Variants in PACC1 observed in about 807,000 individuals in gnomAD.
PACC1 encodes proton activated chloride channel 1.
PACC1 carries 34 observed loss-of-function variants against 39.7 expected under a neutral mutation model. The observed-to-expected ratio is 0.86, with a 90% CI of 0.65 to 1.14. The LOEUF is 1.14. Ranked by LOEUF, PACC1 falls within the 50% of genes most tolerant of loss-of-function variation. The pLI, the probability that PACC1 is intolerant of heterozygous loss-of-function variation, is 0.00. For missense variants in PACC1, 379 were observed against 436.4 expected, an observed-to-expected ratio of 0.87 and a Z score of 1.17; for synonymous variants, 127 against 160.6, an observed-to-expected ratio of 0.79 and a Z score of 1.58.
chr1:212,374,153 T>A (rs932905362), intron 7 of PACC1, among the ~76,000 whole-genome samples: 2 of 151,840 alleles, frequency 1.3e-5, no homozygotes, highest in Admixed American at 6.6e-5. Flanking sequence ...AACTCAAGTA[T>A]CCATCAACAC....
chr1:212,395,772 TG>T (rs1661491504), intron 2 of PACC1, among the ~76,000 whole-genome samples: 1 of 149,516 alleles, frequency 6.7e-6, no homozygotes, highest in Middle Eastern at 3.2e-3. Flanking sequence ...AACAAGTGAG[TG>T]AAGGATATGA....
intron 7 of PACC1, among the ~76,000 whole-genome samples, chr1:212,369,612 C>A (rs1660371182): frequency 6.6e-6 from 1 of 152,016 alleles, no homozygotes; most frequent in Non-Finnish European, 1.5e-5. Flanking sequence ...AAAACCCTGT[C>A]TCTACTAAAA....
Position 212,380,044 on chromosome 1 carries a change from A to G in PACC1, c.496-7T>C. 1.2e-6 allele frequency: 2 copies of G among 1,613,714 alleles called. No individual in the cohort carries two copies. ...GGACAATCAGGGCAGATTTCTGCAG[A>G]GAGAAAAAGGACAGAGTCTCAGTCC... On this transcript the variant is annotated splice_region_variant and splice_polypyrimidine_tract_variant and intron_variant, in intron 4 of 7. Transcript: ENST00000261455.
chr1:212,414,796 A>C lies in PACC1; in HGVS notation c.-39T>G, dbSNP rs1350573652. The C allele has an allele frequency of 6.2e-7, 1 of 1,608,792 alleles. No homozygotes were observed. Among genetic ancestry groups the C allele is most frequent in the East Asian group, 2.2e-5 (1 of 44,622 alleles). The stretch of plus-strand genomic sequence containing the variant: ...GCTTCGGCACACCTGAGACCGCCCC[A>C]GCCCGCGGCGCACGGACGCAGCACT... On this transcript the variant is annotated 5_prime_UTR_variant, in exon 1 of 8. Coordinates refer to ENST00000261455, the MANE Select transcript of PACC1 (RefSeq NM_018252.3).
At chr1:212,406,035 G>C (rs558903805) in intron 2 of PACC1, among the ~76,000 whole-genome samples, 1 of 146,304 alleles carries the variant, frequency 6.8e-6, no homozygotes, top group Non-Finnish European at 1.5e-5. Context: ...TCAACTACTC[G>C]GGAGGCTGAA....
chr1:212,399,522 T>G (rs950677425), intron 2 of PACC1, among the ~76,000 whole-genome samples: 4 of 151,626 alleles, frequency 2.6e-5, no homozygotes, highest in Admixed American at 6.6e-5. Flanking sequence ...AGTGCGCTGG[T>G]GTGATCATAG....
Position 212,414,803 on chromosome 1 carries a change from G to A in PACC1, c.-46C>T. ...CACACCTGAGACCGCCCCAGCCCGCGGCGCACGGACGCAGCACTGCGGCCG... is the reference window on the plus strand; with the variant it reads ...CACACCTGAGACCGCCCCAGCCCGCAGCGCACGGACGCAGCACTGCGGCCG... On this transcript the variant is annotated 5_prime_UTR_variant, in exon 1 of 8. Transcript: ENST00000261455. The A allele has an allele frequency of 6.2e-7, 1 of 1,607,940 alleles. No homozygotes were observed. Among genetic ancestry groups the A allele is most frequent in the Non-Finnish European group, 8.5e-7 (1 of 1,175,274 alleles).
At chr1:212,408,544 T>C (rs1023284806) in intron 2 of PACC1, among the ~76,000 whole-genome samples, 2 of 152,092 alleles carry the variant, frequency 1.3e-5, no homozygotes, top group African/African-American at 4.8e-5. Flanking sequence ...TATTTTTTAG[T>C]AGAGACAGGG....
chr1:212,387,994 C>G (rs372058902), intron 2 of PACC1, among the ~76,000 whole-genome samples: 17 of 147,170 alleles, frequency 1.2e-4, no homozygotes, highest in East Asian at 8.0e-4. Context: ...GCGGAGGTTG[C>G]AGTGAGCCGA....
intron 2 of PACC1, among the ~76,000 whole-genome samples, chr1:212,400,436 T>C (rs746866161): frequency 2.3e-4 from 35 of 152,212 alleles, no homozygotes; most frequent in Non-Finnish European, 4.1e-4. Flanking sequence ...CATGGGAACA[T>C]TGACCAAAAG....
intron 2 of PACC1, among the ~76,000 whole-genome samples, chr1:212,405,615 T>C (rs754839258): frequency 2.6e-5 from 4 of 152,270 alleles, no homozygotes; most frequent in Non-Finnish European, 4.4e-5. Flanking sequence ...CAGTCCTTAA[T>C]TGATCTGCTA....
intron 4 of PACC1, among the ~76,000 whole-genome samples, chr1:212,384,922 A>T (rs917946199): frequency 2.6e-5 from 4 of 152,272 alleles, no homozygotes; most frequent in African/African-American, 7.2e-5. Flanking sequence ...TATTTTCAAA[A>T]AGTATCCTGG....
chr1:212,374,202 TATATATAAAACACAATGGA>T (rs534132177), intron 7 of PACC1, among the ~76,000 whole-genome samples: 1 of 152,072 alleles, frequency 6.6e-6, no homozygotes, highest in South Asian at 2.1e-4. Context: ...TGTGTATATA[TATATATAAAACACAATGGA>T]ATATTATTCA....
At chr1:212,373,344 G>GAT (rs1174524670) in intron 7 of PACC1, among the ~76,000 whole-genome samples, 1 of 124,856 alleles carries the variant, frequency 8.0e-6, no homozygotes, top group Non-Finnish European at 1.7e-5. Context: ...TTACTATATA[G>GAT]AAAAATCCAC....
intron 4 of PACC1, among the ~76,000 whole-genome samples, chr1:212,383,349 G>A (rs1660975250): frequency 6.6e-6 from 1 of 152,216 alleles, no homozygotes; most frequent in South Asian, 2.1e-4. Context: ...TCAACTGGGG[G>A]AGGAGAGGAG....
At chr1:212,367,321 C>T (rs1350167983) in intron 7 of PACC1, among the ~76,000 whole-genome samples, 1 of 152,172 alleles carries the variant, frequency 6.6e-6, no homozygotes, top group African/African-American at 2.4e-5. Flanking sequence ...ACCCCTCCCC[C>T]AACCTTAGGC....
Position 212,387,101 on chromosome 1 carries a change from C to A in PACC1, c.134-1G>T, listed in dbSNP as rs1661131236. ...CTGGAGGCGGACTCGCTGTCCAGGCCTGACAACAACAAAACACCATGTGAC... is the reference window on the plus strand; with the variant it reads ...CTGGAGGCGGACTCGCTGTCCAGGCATGACAACAACAAAACACCATGTGAC... On this transcript the variant is annotated splice_acceptor_variant, in intron 2 of 7. Coordinates refer to ENST00000261455, the MANE Select transcript of PACC1 (RefSeq NM_018252.3). LOFTEE classifies it high-confidence loss of function. The A allele has an allele frequency of 1.9e-6, 3 of 1,613,426 alleles. No individual in the cohort carries two copies. Among genetic ancestry groups the A allele is most frequent in the Non-Finnish European group, 2.5e-6 (3 of 1,180,008 alleles).
chr1:212,413,336 C>T (rs1452609420), intron 1 of PACC1, among the ~76,000 whole-genome samples: 1 of 152,246 alleles, frequency 6.6e-6, no homozygotes, highest in Admixed American at 6.5e-5. Context: ...GGCTAAGCCA[C>T]CTGCTTTATA....
intron 2 of PACC1, among the ~76,000 whole-genome samples, chr1:212,394,430 G>A (rs1337062840): frequency 3.3e-5 from 5 of 152,142 alleles, no homozygotes; most frequent in African/African-American, 7.2e-5. Context: ...TTGATGGGAC[G>A]TATCTAAAAA....
Sources: allele counts gnomAD v4.1 joint callset (sites outside exome capture counted in the v4.1 genomes callset), GRCh38; gene constraint gnomAD v4.1.1; transcripts MANE v1.5; gene names NCBI Gene and HGNC (gene_info 2026-07-23, HGNC 2026-07-21).